The following UBE3C variants were observed in gnomAD, a reference collection of about 807,000 sequenced individuals.
The protein encoded by UBE3C is ubiquitin-protein ligase E3C.
A neutral mutation model predicts 129.4 loss-of-function variants in UBE3C; 42 were observed. That is an observed-to-expected ratio of 0.32 (90% CI 0.25 to 0.42). The LOEUF (loss-of-function observed/expected upper bound fraction) is 0.42, where lower values mean the gene tolerates loss of function less well. UBE3C is among the 10% of genes least tolerant of loss of function. UBE3C has a pLI of 1.00. For synonymous variants in UBE3C, 510 were observed against 492.4 expected (o/e 1.04, Z -0.47); for missense variants, 1,049 against 1,319.1 (o/e 0.80, Z 3.17).
intron 16 of UBE3C, among the ~76,000 whole-genome samples, chr7:157,224,702 A>G (rs1387121344): frequency 6.6e-6 from 1 of 152,006 alleles, no homozygotes; most frequent in Non-Finnish European, 1.5e-5. Flanking sequence ...TATACACTCT[A>G]TTTGCATGGT....
chr7:157,157,071 C>T (rs1254652679), intron 1 of UBE3C, among the ~76,000 whole-genome samples: 1 of 152,146 alleles, frequency 6.6e-6, no homozygotes, highest in African/African-American at 2.4e-5. Flanking sequence ...TAGGCATGAT[C>T]CTAATTCACA....
At chr7:157,165,268 CT>C (rs1393638686) in intron 2 of UBE3C, among the ~76,000 whole-genome samples, 1 of 152,026 alleles carries the variant, frequency 6.6e-6, no homozygotes, top group Non-Finnish European at 1.5e-5. Flanking sequence ...TGTTTTTGAC[CT>C]TTGCGTCGTT....
intron 18 of UBE3C, among the ~76,000 whole-genome samples, chr7:157,232,938 G>A (rs1796059516): frequency 6.6e-6 from 1 of 152,122 alleles, no homozygotes; most frequent in Non-Finnish European, 1.5e-5. Context: ...AAAGTGTACA[G>A]TTCAGTGGTT....
At chr7:157,164,581 T>G in intron 2 of UBE3C, 1 of 379,672 alleles carries the variant, frequency 2.6e-6, no homozygotes, top group Non-Finnish European at 5.3e-6. Context: ...ACGTTATATC[T>G]TGTGATAGTT....
At chr7:157,256,821 T>G in intron 21 of UBE3C, 93 bp from the exon 22 acceptor site, 1 of 1,523,444 alleles carries the variant, frequency 6.6e-7, no homozygotes, top group Non-Finnish European at 8.9e-7. Context: ...ATCCATGGAC[T>G]TTAGTTTCCG....
At chr7:157,219,435 A>G (rs571968984) in intron 14 of UBE3C, among the ~76,000 whole-genome samples, 1 of 152,318 alleles carries the variant, frequency 6.6e-6, no homozygotes, top group South Asian at 2.1e-4. Flanking sequence ...CACACCACCT[A>G]GGAAACGTTC....
At chr7:157,182,682 C>T (rs1281882483) in intron 8 of UBE3C, among the ~76,000 whole-genome samples, 1 of 151,330 alleles carries the variant, frequency 6.6e-6, no homozygotes, top group Non-Finnish European at 1.5e-5. Context: ...TGAAAACATA[C>T]ATACATACAT....
Position 157,143,525 on chromosome 7 carries a change from C to T in UBE3C, c.66+4187C>T, listed in dbSNP as rs577273018. Among the ~76,000 whole-genome samples, 6 of 152,158 alleles carry T rather than the reference C, an allele frequency of 3.9e-5. No individual in the cohort carries two copies. In the South Asian group the frequency reaches 1.2e-3, roughly 32 times the overall value. ...TCCTGGCTCTGCAGACTGGCTTTCT[C>T]CATTTCTCACACATGGTTTCCTAGC... On this transcript the variant is annotated intron_variant, in intron 1 of 22. Transcript: ENST00000348165.
chr7:157,202,790 TAGC>T (rs1809327406), intron 11 of UBE3C, among the ~76,000 whole-genome samples: 2 of 152,230 alleles, frequency 1.3e-5, no homozygotes, highest in Admixed American at 6.5e-5. Context: ...GTAGTGATAA[TAGC>T]AGTCACTGTT....
At chr7:157,211,758 A>G (rs1809602443) in intron 13 of UBE3C, among the ~76,000 whole-genome samples, 1 of 152,204 alleles carries the variant, frequency 6.6e-6, no homozygotes, top group Admixed American at 6.5e-5. Context: ...GAACACTCAC[A>G]GTATTCATCC....
At chr7:157,205,366 T>C (rs765666332) in intron 11 of UBE3C, among the ~76,000 whole-genome samples, 12 of 152,206 alleles carry the variant, frequency 7.9e-5, no homozygotes, top group Non-Finnish European at 1.5e-4. Context: ...TATAAGAATT[T>C]TATGCATCCT....
chr7:157,176,659 A>G (rs570439192), intron 5 of UBE3C, among the ~76,000 whole-genome samples: 1 of 152,348 alleles, frequency 6.6e-6, no homozygotes, highest in East Asian at 1.9e-4. Flanking sequence ...ATTTTTTAAA[A>G]TACAGTGTGT....
At position 157,153,057 on chromosome 7, in the gene UBE3C, A is replaced by G. The variant is rs554550017; in HGVS notation, c.67-10753A>G. On this transcript the variant is annotated intron_variant, in intron 1 of 22. Coordinates refer to ENST00000348165, the MANE Select transcript of UBE3C (RefSeq NM_014671.3). ...CTAAAAATACTGAAATTAGCCAGGC[A>G]TGGTGGTGGGCGCCTGTAATCTCAG... Among the ~76,000 whole-genome samples the G allele has an allele frequency of 1.2e-4, 18 of 152,214 alleles. 1 individual carries two copies. Among genetic ancestry groups the G allele is most frequent in the African/African-American group, 4.3e-4 (18 of 41,538 alleles).
At chr7:157,267,192 G>A (rs2116726224) in intron 22 of UBE3C, among the ~76,000 whole-genome samples, 1 of 151,158 alleles carries the variant, frequency 6.6e-6, no homozygotes, top group African/African-American at 2.5e-5. Context: ...GGGAGGCAGA[G>A]GTGGGCAGAT....
At position 157,233,951 on chromosome 7, in the gene UBE3C, TG is replaced by T. The variant is rs1388639109; in HGVS notation, c.2481+2625del. ...TAATTTCCCTGGTGACTAATAATGT[TG>T]ACCATCTTTTCATGTGCTTCATGAC... is the stretch of plus-strand genomic sequence containing the variant. On this transcript the variant is annotated intron_variant, in intron 18 of 22. Coordinates refer to ENST00000348165, the MANE Select transcript of UBE3C (RefSeq NM_014671.3). Among the ~76,000 whole-genome samples the T allele has an allele frequency of 2.0e-5, 3 of 152,244 alleles. No homozygotes were observed. In the East Asian group the frequency reaches 5.8e-4, roughly 29 times the overall value.
At chr7:157,228,354 A>G (rs575867437) in intron 17 of UBE3C, among the ~76,000 whole-genome samples, 13 of 152,206 alleles carry the variant, frequency 8.5e-5, no homozygotes, top group African/African-American at 2.7e-4. Flanking sequence ...AAACCGTCAC[A>G]TTCCCTCATG....
At chr7:157,230,201 C>T (rs954259993) in intron 17 of UBE3C, among the ~76,000 whole-genome samples, 3 of 152,036 alleles carry the variant, frequency 2.0e-5, no homozygotes, top group Non-Finnish European at 4.4e-5. Context: ...TGAGCCACTG[C>T]ACCTGGCCTT....
At chr7:157,189,012 T>G (rs1808882892) in intron 10 of UBE3C, 2 of 564,544 alleles carry the variant, frequency 3.5e-6, no homozygotes, top group South Asian at 5.0e-5. Flanking sequence ...GACAGATGCG[T>G]ACATGAAAAC....
At chr7:157,238,489 ATG>A (rs1214570812) in intron 18 of UBE3C, among the ~76,000 whole-genome samples, 1 of 151,990 alleles carries the variant, frequency 6.6e-6, no homozygotes, top group Admixed American at 6.6e-5. Context: ...AGATGTTGGG[ATG>A]TGTGAGGACA....
Sources: allele counts gnomAD v4.1 joint callset (sites outside exome capture counted in the v4.1 genomes callset), GRCh38; gene constraint gnomAD v4.1.1; transcripts MANE v1.5; gene names NCBI Gene and HGNC (gene_info 2026-07-23, HGNC 2026-07-21).